The following RNF4 variants were observed in gnomAD, a reference collection of about 807,000 sequenced individuals.
RNF4 encodes the protein E3 ubiquitin-protein ligase RNF4.
RNF4 carries 7 observed loss-of-function variants against 24.3 expected under a neutral mutation model. The ratio of observed to expected loss-of-function variants is 0.29; its 90% CI spans 0.16 to 0.54. The LOEUF (loss-of-function observed/expected upper bound fraction) is 0.54, where lower values mean the gene tolerates loss of function less well. Ranked by LOEUF, RNF4 falls within the 20% of genes least tolerant of loss-of-function variation. The probability of loss-of-function intolerance (pLI) is 0.95; values close to 1 mark genes in which losing one functional copy is unlikely to be tolerated. For synonymous variants in RNF4, 83 were observed against 84.3 expected (o/e 0.98, Z 0.09); for missense variants, 209 against 248.5 (o/e 0.84, Z 1.07).
chr4:2,484,193 C>G (rs1476403979), intron 1 of RNF4, among the ~76,000 whole-genome samples: 1 of 151,422 alleles, frequency 6.6e-6, no homozygotes, highest in African/African-American at 2.4e-5. Flanking sequence ...TTTGAGGGTT[C>G]TGTGTACCTG....
chr4:2,493,797 GGACAA>G (rs1735651532), intron 2 of RNF4, among the ~76,000 whole-genome samples: 1 of 150,672 alleles, frequency 6.6e-6, no homozygotes, highest in Non-Finnish European at 1.5e-5. Context: ...GCCTATACGA[GGACAA>G]AGGACATTGT....
intron 3 of RNF4, among the ~76,000 whole-genome samples, chr4:2,499,981 C>A (rs993187705): frequency 2.6e-5 from 4 of 151,784 alleles, no homozygotes; most frequent in Non-Finnish European, 4.4e-5. Flanking sequence ...ATGGTGAAAC[C>A]CCATCTCTAC....
rs533157386 is a variant in RNF4 at position 2,515,710 on chromosome 4, T to G, written c.*1891T>G. 1 of 152,596 alleles carries G rather than the reference T, an allele frequency of 6.6e-6. No individual in the cohort carries two copies. The highest frequency in any genetic ancestry group is 1.5e-5 in the Non-Finnish European group (1 of 68,026). 9.5% of individuals were successfully genotyped at this position (152,596 alleles called of 1,614,324 possible). On this transcript the variant is annotated 3_prime_UTR_variant, in exon 8 of 8. Transcript: ENST00000314289. Reference sequence around the variant, plus strand: ...TCAGAAACTGCGAACTAGGGAAAGGTTGGTATGAAGAAATGTCTTTCCTTT... The same window carrying G: ...TCAGAAACTGCGAACTAGGGAAAGGGTGGTATGAAGAAATGTCTTTCCTTT...
At chr4:2,470,102 T>C (rs1734856429) in intron 1 of RNF4, 1 of 152,286 alleles carries the variant, frequency 6.6e-6, no homozygotes, top group South Asian at 2.1e-4. Flanking sequence ...ACAAACTTAA[T>C]AATCTTCGTT....
intron 1 of RNF4, among the ~76,000 whole-genome samples, chr4:2,472,320 C>G (rs1323185509): frequency 2.0e-5 from 3 of 152,178 alleles, no homozygotes; most frequent in East Asian, 3.8e-4. Context: ...AAAAAGATTT[C>G]TTTCAAAATA....
Position 2,474,098 on chromosome 4 carries a change from A to G in RNF4, c.-158+4840A>G, listed in dbSNP as rs147615745. 2.0e-3 allele frequency among the ~76,000 whole-genome samples: 308 copies of G among 151,700 alleles called. 2 individuals are homozygous for G. Among genetic ancestry groups the G allele is most frequent in the African/African-American group, 7.2e-3 (298 of 41,378 alleles). ...TTTGTCTCAAAAAAATAAAAGGGCCAGGCAAGGTGGCTCACACCTGTAATC... is the reference window on the plus strand; with the variant it reads ...TTTGTCTCAAAAAAATAAAAGGGCCGGGCAAGGTGGCTCACACCTGTAATC... On this transcript the variant is annotated intron_variant, in intron 1 of 7. Transcript: ENST00000314289.
chr4:2,491,201 C>T (rs776325671), intron 2 of RNF4, among the ~76,000 whole-genome samples: 4 of 152,146 alleles, frequency 2.6e-5, no homozygotes, highest in Non-Finnish European at 5.9e-5. Context: ...ATTCACTGAC[C>T]AAAGTTGATT....
chr4:2,506,054 A>G (rs1736091065), intron 4 of RNF4: 1 of 152,174 alleles, frequency 6.6e-6, no homozygotes. Context: ...AGTCAGCTTG[A>G]GTTTTCTGCA....
At chr4:2,504,761 ACT>A (rs1736023776) in intron 4 of RNF4, among the ~76,000 whole-genome samples, 1 of 94,048 alleles carries the variant, frequency 1.1e-5, no homozygotes, top group Non-Finnish European at 2.0e-5. Flanking sequence ...ACAGAGTCTC[ACT>A]CTGTCACCCA....
chr4:2,498,144 AC>A (rs1415784348), intron 3 of RNF4, among the ~76,000 whole-genome samples: 2 of 152,052 alleles, frequency 1.3e-5, no homozygotes, highest in Non-Finnish European at 2.9e-5. Context: ...AGGCAGTCTT[AC>A]CCCTGTGTGT....
At chr4:2,473,418 A>C (rs1378780873) in intron 1 of RNF4, among the ~76,000 whole-genome samples, 3 of 152,206 alleles carry the variant, frequency 2.0e-5, no homozygotes. Context: ...AGAACTTGGA[A>C]AAAGTTGATT....
intron 1 of RNF4, among the ~76,000 whole-genome samples, chr4:2,484,047 G>A (rs918255262): frequency 3.5e-4 from 33 of 95,072 alleles, no homozygotes; most frequent in African/African-American, 9.9e-4. Context: ...GGCTGGTCTC[G>A]AACTCCTGGC....
chr4:2,496,146 G>A (rs890817002), intron 2 of RNF4, among the ~76,000 whole-genome samples: 2 of 152,266 alleles, frequency 1.3e-5, no homozygotes, highest in African/African-American at 2.4e-5. Context: ...AAACAGCTTT[G>A]GTTCTTTGAG....
intron 2 of RNF4, among the ~76,000 whole-genome samples, chr4:2,494,022 T>C (rs1427257280): frequency 6.6e-6 from 1 of 151,774 alleles, no homozygotes; most frequent in Non-Finnish European, 1.5e-5. Flanking sequence ...TTTGTGTTAT[T>C]AGTAGAGACG....
At chr4:2,492,165 G>C (rs1349714330) in intron 2 of RNF4, among the ~76,000 whole-genome samples, 3 of 151,494 alleles carry the variant, frequency 2.0e-5, no homozygotes, top group Non-Finnish European at 2.9e-5. Context: ...TGCCACTGCA[G>C]TCCAGCCTGG....
Position 2,514,064 on chromosome 4 carries a change from A to T in RNF4, c.*245A>T, listed in dbSNP as rs554448251. The T allele has an allele frequency of 2.1e-6, 1 of 469,788 alleles. No homozygotes were observed. The highest frequency in any genetic ancestry group is 3.8e-6 in the Non-Finnish European group (1 of 263,534). The allele number at this position is 469,788 out of a possible 1,614,324, so 29.1% of individuals were successfully genotyped here. On this transcript the variant is annotated 3_prime_UTR_variant, in exon 8 of 8. Coordinates refer to ENST00000314289, the MANE Select transcript of RNF4 (RefSeq NM_002938.5). The stretch of plus-strand genomic sequence containing the variant: ...GTGGTCCAGTTCTAGAGTGGGAGAA[A>T]GGGAGTCAGGCGCATTGGGAATCGT...
At chr4:2,502,983 T>G (rs1287473212) in intron 4 of RNF4, among the ~76,000 whole-genome samples, 1 of 152,108 alleles carries the variant, frequency 6.6e-6, no homozygotes, top group African/African-American at 2.4e-5. Flanking sequence ...CCTGAGTAGC[T>G]GAGACTACAG....
chr4:2,481,552 C>T (rs1735243740), intron 1 of RNF4, among the ~76,000 whole-genome samples: 1 of 152,066 alleles, frequency 6.6e-6, no homozygotes, highest in Admixed American at 6.6e-5. Context: ...TATTTTGGAG[C>T]CTGGTGATTC....
At chr4:2,478,459 C>G (rs545114472) in intron 1 of RNF4, among the ~76,000 whole-genome samples, 8 of 152,342 alleles carry the variant, frequency 5.3e-5, no homozygotes, top group African/African-American at 1.9e-4. Flanking sequence ...GCCCAGATGC[C>G]CAGGAGGAAA....
Sources: allele counts gnomAD v4.1 joint callset (sites outside exome capture counted in the v4.1 genomes callset), GRCh38; gene constraint gnomAD v4.1.1; transcripts MANE v1.5; gene names NCBI Gene and HGNC (gene_info 2026-07-23, HGNC 2026-07-21).